The following SYNPR variants were observed in gnomAD, a reference collection of about 807,000 sequenced individuals.
SYNPR encodes the protein synaptoporin.
In SYNPR, 23 loss-of-function variants were observed where a neutral mutation model predicts 32.9. The ratio of observed to expected loss-of-function variants is 0.70; its 90% CI spans 0.50 to 0.99. The LOEUF (loss-of-function observed/expected upper bound fraction) is 0.99. Among genes scored for constraint, SYNPR ranks in the 50% least tolerant of loss-of-function variants. The pLI, the probability that SYNPR is intolerant of heterozygous loss-of-function variation, is 0.00. For synonymous variants in SYNPR, 146 were observed against 135.9 expected, an observed-to-expected ratio of 1.07 and a Z score of -0.52; for missense variants, 318 against 349.3, an observed-to-expected ratio of 0.91 and a Z score of 0.71.
intron 2 of SYNPR, among the ~76,000 whole-genome samples, chr3:63,386,913 T>C (rs183796550): frequency 5.9e-5 from 9 of 152,352 alleles, no homozygotes; most frequent in Admixed American, 5.9e-4. Flanking sequence ...GGGACTCTGC[T>C]GAGTGGCCTC....
At chr3:63,446,998 T>A (rs1700290009) in intron 2 of SYNPR, among the ~76,000 whole-genome samples, 1 of 152,144 alleles carries the variant, frequency 6.6e-6, no homozygotes, top group African/African-American at 2.4e-5. Flanking sequence ...AACTCCTCAA[T>A]TCTGGGTTAT....
chr3:63,361,713 A>G (rs1322841947), intron 2 of SYNPR, among the ~76,000 whole-genome samples: 1 of 152,080 alleles, frequency 6.6e-6, no homozygotes, highest in Non-Finnish European at 1.5e-5. Context: ...TAGTACATAC[A>G]GATGATAGCT....
intron 3 of SYNPR, among the ~76,000 whole-genome samples, chr3:63,554,654 C>G (rs377300782): frequency 1.3e-5 from 2 of 151,944 alleles, no homozygotes; most frequent in Admixed American, 6.6e-5. Context: ...ATGTCTCCAG[C>G]TTTGTTCCTT....
chr3:63,521,136 G>A (rs1575689613), intron 3 of SYNPR, among the ~76,000 whole-genome samples: 1 of 152,266 alleles, frequency 6.6e-6, no homozygotes, highest in East Asian at 1.9e-4. Context: ...GCTTTCTAGG[G>A]CACTAGACCC....
intron 2 of SYNPR, among the ~76,000 whole-genome samples, chr3:63,286,792 A>G (rs6801595): frequency 0.46 from 70,586 of 152,038 alleles, 16,571 homozygotes; most frequent in Middle Eastern, 0.52. Flanking sequence ...ACTGGGGGCA[A>G]TATCTCCTGC....
At chr3:63,578,985 C>A (rs1703041595) in intron 4 of SYNPR, among the ~76,000 whole-genome samples, 1 of 152,110 alleles carries the variant, frequency 6.6e-6, no homozygotes. Flanking sequence ...TCAAATCCCC[C>A]ACTAAACTCC....
At chr3:63,496,824 G>A (rs1032879002) in intron 3 of SYNPR, among the ~76,000 whole-genome samples, 7 of 146,218 alleles carry the variant, frequency 4.8e-5, no homozygotes, top group Admixed American at 4.1e-4. Context: ...GTTGTTTTAT[G>A]TCAATATTCC....
intron 2 of SYNPR, among the ~76,000 whole-genome samples, chr3:63,437,009 T>C (rs1700097123): frequency 6.6e-6 from 1 of 152,154 alleles, no homozygotes; most frequent in Admixed American, 6.5e-5. Flanking sequence ...CCTGAGTAGC[T>C]GGGATTACAG....
At chr3:63,361,316 G>A (rs762137969) in intron 2 of SYNPR, among the ~76,000 whole-genome samples, 6 of 152,042 alleles carry the variant, frequency 3.9e-5, no homozygotes, top group Admixed American at 1.3e-4. Flanking sequence ...GGCCAGGCTC[G>A]GTGGCTCACG....
chr3:63,373,892 A>AC (rs751424535), intron 2 of SYNPR, among the ~76,000 whole-genome samples: 2 of 152,348 alleles, frequency 1.3e-5, no homozygotes, highest in Non-Finnish European at 2.9e-5. Context: ...TTCAGCAGAA[A>AC]CTGTCTAATC....
chr3:63,207,580 T>C, the SYNPR span, among the ~76,000 whole-genome samples: 1 of 152,160 alleles, frequency 6.6e-6, no homozygotes, highest in African/African-American at 2.4e-5. Flanking sequence ...TGTATCCTTC[T>C]AAACAAAATC....
rs116030075 is a variant in SYNPR at position 63,311,395 on chromosome 3, G to A, written c.84+32653G>A. On this transcript the variant is annotated intron_variant, in intron 2 of 5. Transcript: ENST00000478300. Reference sequence around the variant, plus strand: ...ATAAAAGTAGATAATGTAGAGCAGGGGTCCCCAACCCCCGGGCCAAAGACC... The same window carrying A: ...ATAAAAGTAGATAATGTAGAGCAGGAGTCCCCAACCCCCGGGCCAAAGACC... 6.1e-3 allele frequency among the ~76,000 whole-genome samples: 932 copies of A among 151,984 alleles called. 13 individuals carry two copies. Among genetic ancestry groups the A allele is most frequent in the African/African-American group, 0.02 (835 of 41,490 alleles).
At chr3:63,281,922 C>A (rs905728986) in intron 2 of SYNPR, among the ~76,000 whole-genome samples, 1 of 152,154 alleles carries the variant, frequency 6.6e-6, no homozygotes, top group African/African-American at 2.4e-5. Flanking sequence ...GTGGCTCATG[C>A]CTATAATCTC....
chr3:63,308,476 A>C (rs1182861431), intron 2 of SYNPR, among the ~76,000 whole-genome samples: 1 of 151,936 alleles, frequency 6.6e-6, no homozygotes, highest in Non-Finnish European at 1.5e-5. Context: ...GAGACTTTCT[A>C]TAACATCTTT....
intron 4 of SYNPR, among the ~76,000 whole-genome samples, chr3:63,588,424 T>C (rs1053270399): frequency 3.9e-5 from 6 of 152,104 alleles, no homozygotes; most frequent in African/African-American, 1.4e-4. Context: ...GCTATATTTA[T>C]AATGCCCAGA....
At chr3:63,237,716 C>T (rs2086210004) in intron 1 of SYNPR, among the ~76,000 whole-genome samples, 2 of 151,880 alleles carry the variant, frequency 1.3e-5, no homozygotes, top group African/African-American at 4.8e-5. Flanking sequence ...ATCTTGGCCT[C>T]GTTTTGTCGG....
At chr3:63,420,671 G>C (rs1699776793) in intron 2 of SYNPR, among the ~76,000 whole-genome samples, 1 of 151,988 alleles carries the variant, frequency 6.6e-6, no homozygotes, top group South Asian at 2.1e-4. Context: ...AAAAGCAAAT[G>C]TTATTTTTTT....
At chr3:63,576,085 GAA>G (rs1312102447) in intron 4 of SYNPR, among the ~76,000 whole-genome samples, 1 of 152,022 alleles carries the variant, frequency 6.6e-6, no homozygotes, top group African/African-American at 2.4e-5. Flanking sequence ...CAGCTACAAA[GAA>G]ATCCCCAAAT....
chr3:63,395,209 TA>T (rs1222149599), intron 2 of SYNPR, among the ~76,000 whole-genome samples: 1 of 152,206 alleles, frequency 6.6e-6, no homozygotes, highest in Non-Finnish European at 1.5e-5. Flanking sequence ...CTTCTCTGCC[TA>T]AACCAAAAGG....
Sources: gnomAD v4.1 joint callset for allele counts (sites outside exome capture counted in the v4.1 genomes callset) on GRCh38, gnomAD v4.1.1 for gene constraint, MANE v1.5 for transcripts, NCBI Gene and HGNC (gene_info 2026-07-23, HGNC 2026-07-21) for gene names.